KIF18A: variants seen among roughly 807,000 people sequenced by gnomAD.
The protein encoded by KIF18A is kinesin-like protein KIF18A.
In KIF18A, 67 loss-of-function variants were observed where a neutral mutation model predicts 103.3. The ratio of observed to expected loss-of-function variants is 0.65; its 90% CI spans 0.53 to 0.79. KIF18A has a LOEUF of 0.79. Among genes scored for constraint, KIF18A ranks in the 30% least tolerant of loss-of-function variants. KIF18A has a pLI of 0.00. For synonymous variants in KIF18A, 367 were observed against 355.5 expected (o/e 1.03, Z -0.36); for missense variants, 1,032 against 1,062.5 (o/e 0.97, Z 0.40).
chr11:28,091,762 C>A (rs1023962354), intron 3 of KIF18A, among the ~76,000 whole-genome samples: 3 of 152,200 alleles, frequency 2.0e-5, no homozygotes, highest in African/African-American at 7.2e-5. Context: ...ACTCATAATT[C>A]CTGCCTTGAT....
chr11:28,105,424 T>G (rs1340310782), intron 1 of KIF18A, among the ~76,000 whole-genome samples: 2 of 152,154 alleles, frequency 1.3e-5, no homozygotes, highest in South Asian at 2.1e-4. Context: ...TTTAAAACAT[T>G]TAATTGGCAA....
intron 12 of KIF18A, among the ~76,000 whole-genome samples, chr11:28,061,314 A>G (rs2133529279): frequency 6.6e-6 from 1 of 152,320 alleles, no homozygotes; most frequent in South Asian, 2.1e-4. Flanking sequence ...ATAAGCTAGA[A>G]TTCAAGATTG....
At chr11:28,096,361 T>C (rs1022401678) in intron 2 of KIF18A, among the ~76,000 whole-genome samples, 1 of 152,280 alleles carries the variant, frequency 6.6e-6, no homozygotes, top group African/African-American at 2.4e-5. Flanking sequence ...AAAATACTTT[T>C]CAGTAGGATG....
intron 15 of KIF18A, 54 bp downstream of exon 15, chr11:28,035,333 A>G (rs1850470498): frequency 6.8e-6 from 6 of 881,366 alleles, no homozygotes; most frequent in Non-Finnish European, 1.0e-5. Flanking sequence ...CATATAATAT[A>G]TAAAGATTAT....
At chr11:28,029,043 T>C (rs1048698070) in intron 15 of KIF18A, among the ~76,000 whole-genome samples, 1 of 152,072 alleles carries the variant, frequency 6.6e-6, no homozygotes, top group Non-Finnish European at 1.5e-5. Context: ...ATTAATAGCA[T>C]ACCAACCGAA....
At chr11:28,031,132 C>G (rs1430894773) in intron 15 of KIF18A, among the ~76,000 whole-genome samples, 63 of 152,226 alleles carry the variant, frequency 4.1e-4, no homozygotes, top group Non-Finnish European at 1.3e-4. Context: ...GGCGATTTCT[C>G]AAGGATCTAG....
chr11:28,106,927 C>T (rs1377207459), intron 1 of KIF18A, among the ~76,000 whole-genome samples: 4 of 152,124 alleles, frequency 2.6e-5, no homozygotes, highest in Non-Finnish European at 5.9e-5. Flanking sequence ...GCAGCGATCA[C>T]GTCACTGCAC....
intron 12 of KIF18A, among the ~76,000 whole-genome samples, chr11:28,059,977 C>T (rs1462830587): frequency 9.9e-5 from 15 of 152,004 alleles, no homozygotes; most frequent in Non-Finnish European, 1.5e-5. Flanking sequence ...TGGAATGGCA[C>T]TTAAAGGGAT....
At chr11:28,089,011 A>C (rs905997615) in intron 5 of KIF18A, among the ~76,000 whole-genome samples, 4 of 152,154 alleles carry the variant, frequency 2.6e-5, no homozygotes, top group Non-Finnish European at 5.9e-5. Context: ...CAGGACATGG[A>C]ATTATCAGAG....
At chr11:28,101,987 C>T (rs970815487) in intron 1 of KIF18A, among the ~76,000 whole-genome samples, 1 of 152,094 alleles carries the variant, frequency 6.6e-6, no homozygotes, top group Non-Finnish European at 1.5e-5. Context: ...TTTCAATTGA[C>T]TCTGGCATAA....
At chr11:28,069,968 G>C (rs537531154) in intron 10 of KIF18A, among the ~76,000 whole-genome samples, 1 of 152,258 alleles carries the variant, frequency 6.6e-6, no homozygotes, top group Non-Finnish European at 1.5e-5. Flanking sequence ...GCCATAATGA[G>C]TATTCAAAAT....
intron 16 of KIF18A, 46 bp from the exon 17 acceptor site, chr11:28,021,328 T>G: frequency 7.9e-7 from 1 of 1,263,252 alleles, no homozygotes; most frequent in South Asian, 2.1e-5. Context: ...TAAATATCAT[T>G]CAAAAAGTTT....
Position 28,097,724 on chromosome 11 carries a change from A to C in KIF18A, c.224T>G (p.Val75Gly), listed in dbSNP as rs777424918. Residue 75 changes from valine (V) to glycine (G), a missense_variant, in exon 2 of 17, where the codon GTA (valine) becomes GGA (glycine). Transcript: ENST00000263181. The stretch of plus-strand genomic sequence containing the variant: ...CGTTTCATCAAAAACAGCATCAAAT[A>C]CAAATTTAAGATCCTTATTTTGTTT... ...IKKQNKDLKFVFDAVFDETST... is the reference protein window; with the variant it reads ...IKKQNKDLKFGFDAVFDETST... 2.2e-5 allele frequency: 35 copies of C among 1,610,828 alleles called. No individual in the cohort carries two copies. Among genetic ancestry groups the C allele is most frequent in the Non-Finnish European group, 3.0e-5 (35 of 1,177,674 alleles).
intron 13 of KIF18A, among the ~76,000 whole-genome samples, chr11:28,052,117 A>G (rs1416147954): frequency 6.6e-6 from 1 of 152,014 alleles, no homozygotes; most frequent in Non-Finnish European, 1.5e-5. Flanking sequence ...ACCAGCTCCA[A>G]TGCTATTATC....
intron 11 of KIF18A, among the ~76,000 whole-genome samples, chr11:28,068,148 A>G (rs1432796710): frequency 6.6e-6 from 1 of 152,180 alleles, no homozygotes; most frequent in South Asian, 2.1e-4. Flanking sequence ...GGAAGCCATC[A>G]TTCTCAGCAA....
chr11:28,091,711 C>G (rs569823251), intron 3 of KIF18A, among the ~76,000 whole-genome samples, 198 bp from the exon 4 acceptor site: 6 of 152,180 alleles, frequency 3.9e-5, no homozygotes, highest in African/African-American at 1.4e-4. Context: ...GTTTGATTAC[C>G]TAGGTTTGAA....
Position 28,097,995 on chromosome 11 carries a change from T to C in KIF18A, c.-46-2A>G. ...CTGTATAAATACTTGAATACTTCTC[T>C]GAAATTAAAAAAGAAAATAAAGTTT... On this transcript the variant is annotated splice_acceptor_variant, in intron 1 of 16. Transcript: ENST00000263181. LOFTEE classifies it low-confidence loss of function (5UTR_SPLICE). 7.5e-7 allele frequency: 1 copy of C among 1,337,050 alleles called. No individual in the cohort carries two copies. Among genetic ancestry groups the C allele is most frequent in the Non-Finnish European group, 1.0e-6 (1 of 984,238 alleles). 82.8% of individuals were successfully genotyped at this position (1,337,050 alleles called of 1,614,324 possible).
At chr11:28,091,557 A>T in intron 3 of KIF18A, 44 bp from the exon 4 acceptor site, 1 of 1,053,368 alleles carries the variant, frequency 9.5e-7, no homozygotes. Flanking sequence ...TAAAAAAAAA[A>T]AATGGTGATT....
chr11:28,088,489 T>A, intron 6 of KIF18A, 35 bp downstream of exon 6: 2 of 1,524,918 alleles, frequency 1.3e-6, no homozygotes, highest in Non-Finnish European at 1.8e-6. Flanking sequence ...TTTCAATATT[T>A]CAAACTATTT....
Sources: allele counts gnomAD v4.1 joint callset (sites outside exome capture counted in the v4.1 genomes callset), GRCh38; gene constraint gnomAD v4.1.1; transcripts MANE v1.5; gene names NCBI Gene and HGNC (gene_info 2026-07-23, HGNC 2026-07-21).